Variants in SYCP1 observed in about 807,000 individuals in gnomAD.
The protein encoded by SYCP1 is cancer/testis antigen 8.
In SYCP1, 64 loss-of-function variants were observed where a neutral mutation model predicts 153.1. That is an observed-to-expected ratio of 0.42 (90% confidence interval 0.34 to 0.51). SYCP1 has a LOEUF of 0.51. SYCP1 is among the 20% of genes least tolerant of loss of function. The pLI is 0.06. For synonymous variants in SYCP1, 384 were observed against 341.8 expected (o/e 1.12, Z -1.36); for missense variants, 997 against 1,049.0 (o/e 0.95, Z 0.68).
At chr1:114,991,436 C>T (rs1673914571) in intron 30 of SYCP1, among the ~76,000 whole-genome samples, 1 of 151,780 alleles carries the variant, frequency 6.6e-6, no homozygotes, top group Non-Finnish European at 1.5e-5. Flanking sequence ...AATTCAATAG[C>T]ATATTAAAAA....
Position 114,887,709 on chromosome 1 carries a change from T to A in SYCP1, c.1258+16T>A. On this transcript the variant is annotated intron_variant, in intron 15 of 31. Coordinates refer to ENST00000369522, the MANE Select transcript of SYCP1 (RefSeq NM_003176.4). The stretch of plus-strand genomic sequence containing the variant: ...AGTGAGCTGGGTAAGACTTAGAGAA[T>A]AATGTGTGTACTTTAATAATATTAA... 1 of 1,463,930 alleles carries A rather than the reference T, an allele frequency of 6.8e-7. No homozygotes were observed. The allele number at this position is 1,463,930 out of a possible 1,614,324, so 90.7% of individuals were successfully genotyped here.
At chr1:114,918,867 A>G (rs1570769289) in intron 20 of SYCP1, among the ~76,000 whole-genome samples, 4 of 152,048 alleles carry the variant, frequency 2.6e-5, no homozygotes, top group Admixed American at 2.6e-4. Context: ...ATTAGTTCTA[A>G]TAGTTTTTTG....
intron 26 of SYCP1, among the ~76,000 whole-genome samples, chr1:114,946,712 T>C (rs555604191): frequency 5.9e-5 from 9 of 152,234 alleles, no homozygotes; most frequent in Non-Finnish European, 1.2e-4. Flanking sequence ...TAAAGAAAAC[T>C]ACAAAAAACT....
chr1:114,985,465 A>C (rs572984289), intron 30 of SYCP1, among the ~76,000 whole-genome samples: 1 of 152,094 alleles, frequency 6.6e-6, no homozygotes, highest in South Asian at 2.1e-4. Flanking sequence ...AGAATAATGA[A>C]GCTTAGATTC....
At chr1:114,990,381 T>G (rs1401542888) in intron 30 of SYCP1, among the ~76,000 whole-genome samples, 1 of 151,760 alleles carries the variant, frequency 6.6e-6, no homozygotes, top group African/African-American at 2.4e-5. Context: ...AAGTGCCTAT[T>G]AAGAAAGATC....
chr1:114,922,417 G>A (rs909357707), intron 20 of SYCP1, among the ~76,000 whole-genome samples: 1 of 152,138 alleles, frequency 6.6e-6, no homozygotes, highest in Non-Finnish European at 1.5e-5. Flanking sequence ...AAAGCATGGT[G>A]ATGGCATCTG....
chr1:114,916,082 A>C (rs1286312124), intron 20 of SYCP1, among the ~76,000 whole-genome samples: 2 of 152,198 alleles, frequency 1.3e-5, no homozygotes, highest in Non-Finnish European at 2.9e-5. Context: ...TACCCACTCT[A>C]TATTTTAAAG....
chr1:114,892,703 GGGAA>G (rs1666802941), intron 15 of SYCP1, among the ~76,000 whole-genome samples: 1 of 152,126 alleles, frequency 6.6e-6, no homozygotes, highest in African/African-American at 2.4e-5. Flanking sequence ...GCGCACGCAC[GGGAA>G]GATGTGCTGC....
intron 11 of SYCP1, among the ~76,000 whole-genome samples, chr1:114,877,862 C>T (rs147773365): frequency 1.5e-4 from 23 of 152,162 alleles, no homozygotes; most frequent in African/African-American, 5.3e-4. Context: ...CCTGGAATAC[C>T]GATGTTTAGA....
intron 27 of SYCP1, among the ~76,000 whole-genome samples, chr1:114,947,833 A>G (rs1670832957): frequency 6.7e-6 from 1 of 150,168 alleles, no homozygotes; most frequent in South Asian, 2.1e-4. Context: ...AAAAAAAAAA[A>G]AAAAAAAAAG....
intron 27 of SYCP1, among the ~76,000 whole-genome samples, chr1:114,965,885 C>G (rs1399688233): frequency 1.3e-5 from 2 of 152,114 alleles, no homozygotes. Context: ...AGGAGTCCCT[C>G]TTTTTCTTTT....
intron 8 of SYCP1, among the ~76,000 whole-genome samples, chr1:114,861,220 G>A (rs942935695): frequency 1.3e-5 from 2 of 152,068 alleles, no homozygotes; most frequent in Non-Finnish European, 2.9e-5. Context: ...AATCTAAATA[G>A]AATTCTCAAA....
At chr1:114,929,121 T>C (rs1570791643) in intron 23 of SYCP1, among the ~76,000 whole-genome samples, 2 of 152,112 alleles carry the variant, frequency 1.3e-5, no homozygotes, top group South Asian at 4.1e-4. Context: ...CCTAATCACT[T>C]CCCACAGGCC....
At chr1:114,910,359 T>A (rs375767109) in intron 16 of SYCP1, 38 bp from the exon 17 acceptor site, 44 of 1,402,850 alleles carry the variant, frequency 3.1e-5, no homozygotes, top group Non-Finnish European at 3.0e-5. Flanking sequence ...ACTATGTGTA[T>A]GGTTTGGCAT....
In SYCP1 at chr1:114,981,252, C is replaced by A. The variant is rs1000840898; in HGVS notation, c.2383-84C>A. 4 of 1,062,572 alleles carry A rather than the reference C, an allele frequency of 3.8e-6. No individual in the cohort carries two copies. The African/African-American group carries it at 6.6e-5, about 18-fold the overall frequency. 65.8% of individuals were successfully genotyped at this position (1,062,572 alleles called of 1,614,324 possible). ...TTTGCTTATTTTGTTGTGAATTCTACTAGTTGCTGCACTTTAATTAAAGAA... is the reference window on the plus strand; with the variant it reads ...TTTGCTTATTTTGTTGTGAATTCTAATAGTTGCTGCACTTTAATTAAAGAA... On this transcript the variant is annotated intron_variant, in intron 28 of 31. Coordinates refer to ENST00000369522, the MANE Select transcript of SYCP1 (RefSeq NM_003176.4).
chr1:114,897,117 C>T (rs1345784496), intron 16 of SYCP1, among the ~76,000 whole-genome samples: 1 of 152,114 alleles, frequency 6.6e-6, no homozygotes. Flanking sequence ...GACCTTTTTA[C>T]CTTCTCCATT....
At chr1:114,993,083 T>G (rs1416973518) in intron 30 of SYCP1, among the ~76,000 whole-genome samples, 1 of 151,564 alleles carries the variant, frequency 6.6e-6, no homozygotes, top group South Asian at 2.1e-4. Context: ...TGTTTTAAAT[T>G]GAATTAACTT....
rs1663822838 is a variant in SYCP1 at position 114,854,866 on chromosome 1, G to A, written c.-177G>A. On this transcript the variant is annotated 5_prime_UTR_variant, in exon 1 of 32. Transcript: ENST00000369522. ...GCCGTTGAACTGCCAGCCGCCCGGGGCCCACGCGCTCCGGGCCGCTCAGGC... is the reference window on the plus strand; with the variant it reads ...GCCGTTGAACTGCCAGCCGCCCGGGACCCACGCGCTCCGGGCCGCTCAGGC... 1 of 152,192 alleles carries A rather than the reference G, an allele frequency of 6.6e-6. No individual in the cohort carries two copies. Among genetic ancestry groups the A allele is most frequent in the Non-Finnish European group, 1.5e-5 (1 of 68,054 alleles). 9.4% of individuals were successfully genotyped at this position (152,192 alleles called of 1,614,324 possible). A position where few individuals can be genotyped will look rare whatever the true frequency, so the allele number is the denominator to read the frequency against.
At chr1:114,874,423 A>T (rs1421593372) in intron 8 of SYCP1, 83 bp from the exon 9 acceptor site, 3 of 783,034 alleles carry the variant, frequency 3.8e-6, no homozygotes, top group Non-Finnish European at 6.4e-6. Flanking sequence ...AAATATTTTA[A>T]TGTTTTCTGG....
Sources: allele counts gnomAD v4.1 joint callset (sites outside exome capture counted in the v4.1 genomes callset), GRCh38; gene constraint gnomAD v4.1.1; transcripts MANE v1.5; gene names NCBI Gene and HGNC (gene_info 2026-07-23, HGNC 2026-07-21).